Variants in CPEB3 observed in about 807,000 individuals in gnomAD.
CPEB3 encodes the protein cytoplasmic polyadenylation element binding protein 3.
A neutral mutation model predicts 67.2 loss-of-function variants in CPEB3; 20 were observed. That is an observed-to-expected ratio of 0.30 (90% CI 0.21 to 0.43). CPEB3 has a LOEUF of 0.43. Among genes scored for constraint, CPEB3 ranks in the 20% least tolerant of loss-of-function variants. The pLI is 1.00. For synonymous variants in CPEB3, 376 were observed against 393.1 expected (o/e 0.96, Z 0.51); for missense variants, 746 against 968.6 (o/e 0.77, Z 3.05).
At chr10:92,071,556 T>G (rs1420648577) in intron 9 of CPEB3, among the ~76,000 whole-genome samples, 1 of 151,450 alleles carries the variant, frequency 6.6e-6, no homozygotes, top group Non-Finnish European at 1.5e-5. Flanking sequence ...ATGGTGAAAC[T>G]CCATCTCTAC....
intron 2 of CPEB3, among the ~76,000 whole-genome samples, chr10:92,226,392 T>C (rs962677782): frequency 5.3e-5 from 8 of 152,252 alleles, no homozygotes; most frequent in African/African-American, 1.7e-4. Flanking sequence ...GGGAAATGTA[T>C]GGTTCAACTT....
At chr10:92,139,544 G>A (rs1022474288) in intron 6 of CPEB3, among the ~76,000 whole-genome samples, 1 of 151,664 alleles carries the variant, frequency 6.6e-6, no homozygotes, top group Non-Finnish European at 1.5e-5. Context: ...AAAGAAGGTG[G>A]GGGTGGGTGG....
At chr10:92,128,296 T>C (rs1332336116) in intron 6 of CPEB3, among the ~76,000 whole-genome samples, 1 of 152,146 alleles carries the variant, frequency 6.6e-6, no homozygotes, top group Non-Finnish European at 1.5e-5. Context: ...ACACATACAG[T>C]ATAGTAACAC....
At chr10:92,211,406 TGAAACAGAAACCACATA>T (rs1850076568) in intron 2 of CPEB3, among the ~76,000 whole-genome samples, 1 of 152,004 alleles carries the variant, frequency 6.6e-6, no homozygotes. Flanking sequence ...AAGTGAGAAA[TGAAACAGAAACCACATA>T]GAAACAGAAA....
intron 9 of CPEB3, among the ~76,000 whole-genome samples, chr10:92,064,968 G>A (rs1010904300): frequency 1.1e-4 from 17 of 152,122 alleles, no homozygotes; most frequent in African/African-American, 4.1e-4. Context: ...AGGTTACTTC[G>A]AGAAATCAGA....
At chr10:92,223,598 CAG>C (rs1475779179) in intron 2 of CPEB3, among the ~76,000 whole-genome samples, 27 of 103,010 alleles carry the variant, frequency 2.6e-4, no homozygotes, top group Non-Finnish European at 4.6e-4. Context: ...TTTTTTGAGA[CAG>C]AGTCTCGCTG....
At chr10:92,089,714 T>TG (rs1443837562) in intron 8 of CPEB3, among the ~76,000 whole-genome samples, 2 of 150,862 alleles carry the variant, frequency 1.3e-5, no homozygotes, top group African/African-American at 4.9e-5. Context: ...ACCCGGGAGG[T>TG]GGAGGTTGCA....
chr10:92,194,797 T>G (rs1373666307), intron 2 of CPEB3, among the ~76,000 whole-genome samples: 1 of 151,970 alleles, frequency 6.6e-6, no homozygotes, highest in Non-Finnish European at 1.5e-5. Context: ...ATCCCAGCAC[T>G]TTGGGAGGCT....
At chr10:92,237,833 T>C (rs1442455835) in intron 2 of CPEB3, among the ~76,000 whole-genome samples, 1 of 152,194 alleles carries the variant, frequency 6.6e-6, no homozygotes, top group Non-Finnish European at 1.5e-5. Flanking sequence ...CAACATCTCA[T>C]TTTATTAAAA....
chr10:92,215,474 A>T (rs2134382385), intron 2 of CPEB3, among the ~76,000 whole-genome samples: 1 of 137,702 alleles, frequency 7.3e-6, no homozygotes, highest in South Asian at 2.3e-4. Flanking sequence ...ACGGAGTCTC[A>T]CTCTGTCACC....
intron 4 of CPEB3, among the ~76,000 whole-genome samples, chr10:92,148,277 C>T (rs1198359243): frequency 1.3e-5 from 2 of 152,250 alleles, no homozygotes; most frequent in East Asian, 3.9e-4. Context: ...TCACACAGAC[C>T]TCCTTCGTAT....
At chr10:92,144,691 A>C (rs1165496374) in intron 5 of CPEB3, among the ~76,000 whole-genome samples, 2 of 152,190 alleles carry the variant, frequency 1.3e-5, no homozygotes, top group Non-Finnish European at 2.9e-5. Flanking sequence ...TTTCTCTCTG[A>C]TCCTCAGTTT....
chr10:92,262,436 T>G (rs1852844703), intron 1 of CPEB3, among the ~76,000 whole-genome samples: 2 of 152,246 alleles, frequency 1.3e-5, no homozygotes, highest in Admixed American at 1.3e-4. Context: ...AAGAGTTAAG[T>G]ACCTTCATTA....
intron 1 of CPEB3, among the ~76,000 whole-genome samples, chr10:92,258,512 T>A (rs1852622798): frequency 6.6e-6 from 1 of 151,170 alleles, no homozygotes; most frequent in African/African-American, 2.4e-5. Flanking sequence ...AGCTGGAGAT[T>A]CCTTTTCAGA....
intron 9 of CPEB3, among the ~76,000 whole-genome samples, chr10:92,067,782 C>T (rs550716711): frequency 2.0e-5 from 3 of 152,320 alleles, no homozygotes; most frequent in African/African-American, 7.2e-5. Flanking sequence ...CACACCATTG[C>T]ACTCCAGCCT....
chr10:92,216,921 A>C, intron 2 of CPEB3: 3 of 771,464 alleles, frequency 3.9e-6, no homozygotes, highest in Non-Finnish European at 6.6e-6. Flanking sequence ...CCTTCTTACC[A>C]GGCAGCTCTA....
chr10:92,135,919 C>A (rs941568022), intron 6 of CPEB3, among the ~76,000 whole-genome samples: 6 of 151,532 alleles, frequency 4.0e-5, no homozygotes, highest in Non-Finnish European at 5.9e-5. Context: ...GGATAGAAAA[C>A]CAAACACTGC....
chr10:92,170,732 A>C (rs1479750828), intron 4 of CPEB3, among the ~76,000 whole-genome samples: 1 of 152,162 alleles, frequency 6.6e-6, no homozygotes, highest in East Asian at 1.9e-4. Flanking sequence ...AGAAAGAAGA[A>C]AGTTCTAAGA....
intron 1 of CPEB3, among the ~76,000 whole-genome samples, chr10:92,265,204 T>C (rs1852998594): frequency 6.6e-6 from 1 of 151,960 alleles, no homozygotes; most frequent in African/African-American, 2.4e-5. Flanking sequence ...GAATTTGAAA[T>C]AAATTTCAGA....
Sources: gnomAD v4.1 joint callset for allele counts (sites outside exome capture counted in the v4.1 genomes callset) on GRCh38, gnomAD v4.1.1 for gene constraint, MANE v1.5 for transcripts, NCBI Gene and HGNC (gene_info 2026-07-23, HGNC 2026-07-21) for gene names.